Variants in NRXN3 observed in about 807,000 individuals in gnomAD.
NRXN3 encodes the protein neurexin III.
NRXN3 carries 32 observed loss-of-function variants against 137.6 expected under a neutral mutation model. The ratio of observed to expected loss-of-function variants is 0.23; its 90% CI spans 0.18 to 0.31. The LOEUF (loss-of-function observed/expected upper bound fraction) is 0.31, where lower values mean the gene tolerates loss of function less well. NRXN3 is among the 10% of genes least tolerant of loss of function. The pLI is 1.00. For synonymous variants in NRXN3, 798 were observed against 784.5 expected, an observed-to-expected ratio of 1.02 and a Z score of -0.29; for missense variants, 1,574 against 2,062.5, an observed-to-expected ratio of 0.76 and a Z score of 4.59.
chr14:79,820,458 C>T (rs2099268170), intron 20 of NRXN3, among the ~76,000 whole-genome samples: 1 of 152,152 alleles, frequency 6.6e-6, no homozygotes, highest in African/African-American at 2.4e-5. Flanking sequence ...AGATTTAGTA[C>T]TACCAGCCAG....
intron 19 of NRXN3, among the ~76,000 whole-genome samples, chr14:79,713,164 C>CTTTTTTTTT (rs574716352): frequency 3.7e-5 from 3 of 80,890 alleles, no homozygotes; most frequent in African/African-American, 5.2e-5. Flanking sequence ...CTGATTTTTA[C>CTTTTTTTTT]TTTTTTTTTT....
rs531449576 is a variant in NRXN3, at chr14:79,050,623, A to C, written c.3262+62482A>C. 2.0e-5 allele frequency among the ~76,000 whole-genome samples: 3 copies of C among 152,316 alleles called. No individual in the cohort carries two copies. In the South Asian group the frequency reaches 6.2e-4, roughly 32 times the overall value. Reference sequence around the variant, plus strand: ...GATGTCTGCACAAGAATATCCATGCATTCGTTCTTAGAATTTCAGGGCCGG... The same window carrying C: ...GATGTCTGCACAAGAATATCCATGCCTTCGTTCTTAGAATTTCAGGGCCGG... On this transcript the variant is annotated intron_variant, in intron 15 of 20. Coordinates refer to ENST00000335750, the MANE Select transcript of NRXN3 (RefSeq NM_001330195.2).
intron 10 of NRXN3, among the ~76,000 whole-genome samples, chr14:78,916,820 T>C (rs1384097424): frequency 6.6e-6 from 1 of 152,124 alleles, no homozygotes; most frequent in African/African-American, 2.4e-5. Flanking sequence ...CAAATCAAGG[T>C]CCTGGCTGAG....
intron 15 of NRXN3, among the ~76,000 whole-genome samples, chr14:79,021,270 C>T (rs552038836): frequency 2.6e-5 from 4 of 152,122 alleles, no homozygotes; most frequent in East Asian, 1.9e-4. Flanking sequence ...GTTGCAGGTG[C>T]GGGTCTGGGA....
intron 15 of NRXN3, among the ~76,000 whole-genome samples, chr14:79,059,348 C>T (rs1471657538): frequency 6.7e-6 from 1 of 148,514 alleles, no homozygotes; most frequent in Non-Finnish European, 1.5e-5. Context: ...AGCTCCGCCT[C>T]CCGGGTTCAT....
rs552450959 is a variant in NRXN3, at chr14:78,737,821, A to AG, written c.2044+22686dup. 1.6e-4 allele frequency among the ~76,000 whole-genome samples: 24 copies of AG among 152,198 alleles called. No homozygotes were observed. The South Asian group carries it at 5.0e-3, about 32-fold the overall frequency. On this transcript the variant is annotated intron_variant, in intron 8 of 20. Coordinates refer to ENST00000335750, the MANE Select transcript of NRXN3 (RefSeq NM_001330195.2). ...GGGGCTGGTAGGCAGTCTGCAGGGA[A>AG]GGGGAGGATGGCTTCGCTTTTGGCA...
intron 15 of NRXN3, among the ~76,000 whole-genome samples, chr14:79,284,672 T>C (rs1162202148): frequency 6.6e-6 from 1 of 152,038 alleles, no homozygotes; most frequent in East Asian, 1.9e-4. Flanking sequence ...CAAACCATCT[T>C]AGCAGAAGTG....
chr14:78,836,116 A>T (rs1438409797), intron 10 of NRXN3, among the ~76,000 whole-genome samples: 1 of 152,196 alleles, frequency 6.6e-6, no homozygotes, highest in African/African-American at 2.4e-5. Flanking sequence ...TGTCTACGTC[A>T]TCTAAAACCC....
At chr14:79,601,857 C>T (rs1232872184) in intron 16 of NRXN3, among the ~76,000 whole-genome samples, 1 of 152,126 alleles carries the variant, frequency 6.6e-6, no homozygotes, top group East Asian at 1.9e-4. Context: ...GTCTAAGAGA[C>T]AGAAGAGAGT....
At chr14:79,746,794 A>G (rs1177478194) in intron 19 of NRXN3, among the ~76,000 whole-genome samples, 1 of 151,942 alleles carries the variant, frequency 6.6e-6, no homozygotes, top group Non-Finnish European at 1.5e-5. Context: ...TTTTGCAGCT[A>G]TTTAGACAGT....
intron 15 of NRXN3, among the ~76,000 whole-genome samples, chr14:79,275,187 C>T (rs1478094648): frequency 1.3e-5 from 2 of 151,842 alleles, no homozygotes; most frequent in Non-Finnish European, 2.9e-5. Context: ...GTTAACAGTC[C>T]CCAGTATTTT....
Position 78,715,229 on chromosome 14 carries a change from A to G in NRXN3, c.2044+90A>G, listed in dbSNP as rs953055925. On this transcript the variant is annotated intron_variant, in intron 8 of 20. Transcript: ENST00000335750. ...CTGGGCAGCCCAAGCCTTCGCACCT[A>G]CCTGCACTTTCTTTCTTCCAAGAGT... 4 of 1,465,526 alleles carry G rather than the reference A, an allele frequency of 2.7e-6. No homozygotes were observed. In the African/African-American group the frequency reaches 4.2e-5, roughly 15 times the overall value. 90.8% of individuals were successfully genotyped at this position (1,465,526 alleles called of 1,614,324 possible).
At chr14:78,502,770 A>G (rs1240837578) in intron 4 of NRXN3, among the ~76,000 whole-genome samples, 2 of 152,140 alleles carry the variant, frequency 1.3e-5, no homozygotes, top group East Asian at 3.9e-4. Flanking sequence ...CATTCCTTTG[A>G]TATGCTGTTG....
At chr14:78,836,139 A>G (rs2098996134) in intron 10 of NRXN3, among the ~76,000 whole-genome samples, 1 of 152,186 alleles carries the variant, frequency 6.6e-6, no homozygotes, top group Non-Finnish European at 1.5e-5. Context: ...AAATATTAAA[A>G]TCATATGCAC....
intron 10 of NRXN3, among the ~76,000 whole-genome samples, chr14:78,929,518 TC>T (rs1453586778): frequency 1.3e-5 from 2 of 152,170 alleles, no homozygotes; most frequent in Non-Finnish European, 2.9e-5. Flanking sequence ...CCATCCATGA[TC>T]CTGTAAAGGA....
chr14:79,837,258 G>T (rs2099345974), intron 20 of NRXN3, among the ~76,000 whole-genome samples: 1 of 150,794 alleles, frequency 6.6e-6, no homozygotes, highest in South Asian at 2.1e-4. Context: ...GAACAGTTTT[G>T]ATTCCATTGG....
chr14:79,193,166 ACTT>A (rs1597107805), intron 15 of NRXN3, among the ~76,000 whole-genome samples: 1 of 152,154 alleles, frequency 6.6e-6, no homozygotes, highest in East Asian at 1.9e-4. Context: ...AAAAAATTGA[ACTT>A]CTGAGAAGAA....
intron 15 of NRXN3, among the ~76,000 whole-genome samples, chr14:79,307,652 C>T (rs1374495873): frequency 6.6e-6 from 1 of 152,120 alleles, no homozygotes; most frequent in Non-Finnish European, 1.5e-5. Context: ...ACATGCCTGG[C>T]AAGTTACTAC....
intron 8 of NRXN3, among the ~76,000 whole-genome samples, chr14:78,730,501 C>T (rs761299957): frequency 1.3e-5 from 2 of 152,126 alleles, no homozygotes; most frequent in Non-Finnish European, 2.9e-5. Flanking sequence ...GTTTAAAGGG[C>T]TTTTCCCTCC....
Sources: allele counts gnomAD v4.1 joint callset (sites outside exome capture counted in the v4.1 genomes callset), GRCh38; gene constraint gnomAD v4.1.1; transcripts MANE v1.5; gene names NCBI Gene and HGNC (gene_info 2026-07-23, HGNC 2026-07-21).